Variants in PPP1CB observed in about 807,000 individuals in gnomAD.
PPP1CB encodes the protein serine/threonine-protein phosphatase PP1-beta catalytic subunit.
A neutral mutation model predicts 43.7 loss-of-function variants in PPP1CB; 2 were observed. The ratio of observed to expected loss-of-function variants is 0.05; its 90% confidence interval spans 0.02 to 0.14. The LOEUF is 0.14. Among genes scored for constraint, PPP1CB ranks in the 10% least tolerant of loss-of-function variants. The probability of loss-of-function intolerance (pLI) is 1.00; values close to 1 mark genes in which losing one functional copy is unlikely to be tolerated. For missense variants in PPP1CB, 84 were observed against 398.0 expected, an observed-to-expected ratio of 0.21 and a Z score of 6.71; for synonymous variants, 136 against 135.6, an observed-to-expected ratio of 1.00 and a Z score of -0.02.
intron 1 of PPP1CB, among the ~76,000 whole-genome samples, chr2:28,770,851 A>C (rs548987249): frequency 1.3e-5 from 2 of 152,340 alleles, no homozygotes; most frequent in African/African-American, 2.4e-5. Flanking sequence ...CCCTCAGTAC[A>C]TTTGAAAGAA....
chr2:28,759,281 C>T (rs1465607727), intron 1 of PPP1CB, among the ~76,000 whole-genome samples: 1 of 152,072 alleles, frequency 6.6e-6, no homozygotes, highest in Non-Finnish European at 1.5e-5. Flanking sequence ...TTTGGGAGGC[C>T]AAGGCAGGTG....
chr2:28,785,139 ACCT>A (rs1253524479), intron 5 of PPP1CB, among the ~76,000 whole-genome samples: 12 of 127,934 alleles, frequency 9.4e-5, no homozygotes, highest in African/African-American at 3.3e-4. Context: ...CAGTGGTGCA[ACCT>A]CGGCTCACTG....
intron 7 of PPP1CB, among the ~76,000 whole-genome samples, chr2:28,797,074 CATTT>C (rs1401550015): frequency 6.6e-6 from 1 of 152,098 alleles, no homozygotes; most frequent in African/African-American, 2.4e-5. Context: ...AGGTGAATCA[CATTT>C]ATTGATTTGC....
chr2:28,775,186 C>G (rs1187437980), intron 1 of PPP1CB, among the ~76,000 whole-genome samples: 2 of 152,150 alleles, frequency 1.3e-5, no homozygotes, highest in African/African-American at 2.4e-5. Flanking sequence ...TCACTGTAGC[C>G]TCTGCCTTCT....
At chr2:28,784,313 G>T (rs1667215212) in intron 5 of PPP1CB, among the ~76,000 whole-genome samples, 1 of 152,146 alleles carries the variant, frequency 6.6e-6, no homozygotes, top group Non-Finnish European at 1.5e-5. Context: ...TTAGACAAAA[G>T]TTTTTTAATT....
chr2:28,788,022 T>G (rs74622603), intron 5 of PPP1CB, among the ~76,000 whole-genome samples: 2 of 150,394 alleles, frequency 1.3e-5, no homozygotes, highest in African/African-American at 2.5e-5. Flanking sequence ...GTAGAAAATG[T>G]TTTTTTTTCG....
At chr2:28,764,745 CCCCGT>C (rs1666743867) in intron 1 of PPP1CB, among the ~76,000 whole-genome samples, 1 of 151,220 alleles carries the variant, frequency 6.6e-6, no homozygotes. Context: ...CATGGCGAAA[CCCCGT>C]CTCTACTAAA....
rs142530426 is a variant in PPP1CB at position 28,787,157 on chromosome 2, C to T, written c.593-1501C>T. 7.1e-3 allele frequency among the ~76,000 whole-genome samples: 1,078 copies of T among 152,200 alleles called. 10 individuals are homozygous for T. Among genetic ancestry groups the T allele is most frequent in the African/African-American group, 0.025 (1,022 of 41,532 alleles). On this transcript the variant is annotated intron_variant, in intron 5 of 7. Coordinates refer to ENST00000395366, the MANE Select transcript of PPP1CB (RefSeq NM_002709.3). ...TTTAAAATTCTTAAAACTGACTTAA[C>T]TCTTTAAAAATTATCTTCTTGGCTG...
rs562247697 is a variant in PPP1CB, at chr2:28,772,677, A to G, written c.53-4174A>G. Among the ~76,000 whole-genome samples, 239 of 152,312 alleles carry G rather than the reference A, an allele frequency of 1.6e-3. 3 individuals are homozygous for G. The highest frequency in any genetic ancestry group is 1.2e-3 in the East Asian group (6 of 5,186). On this transcript the variant is annotated intron_variant, in intron 1 of 7. Transcript: ENST00000395366. ...ATGGAATACAGGTTGAATATTTTTTATCCAAAATGCTTGGGACCCCAAGTG... is the reference window on the plus strand; with the variant it reads ...ATGGAATACAGGTTGAATATTTTTTGTCCAAAATGCTTGGGACCCCAAGTG...
At chr2:28,788,996 G>A (rs748567661) in intron 6 of PPP1CB, among the ~76,000 whole-genome samples, 187 bp downstream of exon 6, 3 of 151,952 alleles carry the variant, frequency 2.0e-5, no homozygotes, top group Non-Finnish European at 4.4e-5. Context: ...TAGCTGGGAC[G>A]ATAGCCGTGT....
chr2:28,769,738 A>AG (rs1410583192), intron 1 of PPP1CB, among the ~76,000 whole-genome samples: 2 of 152,318 alleles, frequency 1.3e-5, no homozygotes, highest in East Asian at 3.9e-4. Context: ...AAAAGGCTGG[A>AG]GGCGGGTGGT....
intron 1 of PPP1CB, among the ~76,000 whole-genome samples, chr2:28,763,687 T>C (rs1199188032): frequency 7.0e-6 from 1 of 142,442 alleles, no homozygotes; most frequent in African/African-American, 2.5e-5. Context: ...AAGGCCATTT[T>C]GGTCTCTGAA....
intron 1 of PPP1CB, among the ~76,000 whole-genome samples, chr2:28,760,635 C>A (rs1666620134): frequency 6.6e-6 from 1 of 152,190 alleles, no homozygotes; most frequent in Admixed American, 6.5e-5. Flanking sequence ...CCATTTTAAC[C>A]TTCCCCCTAG....
At position 28,793,768 on chromosome 2, in the gene PPP1CB, G is replaced by A. The variant is rs943165171; in HGVS notation, c.745-95G>A. On this transcript the variant is annotated intron_variant, in intron 6 of 7. Coordinates refer to ENST00000395366, the MANE Select transcript of PPP1CB (RefSeq NM_002709.3). ...AAACAGGGTGGTTTGGGGGTGAGGT[G>A]GGGCACAGTCTTTGCCACCTTAACC... The A allele has an allele frequency of 4.2e-5, 58 of 1,380,616 alleles. No individual in the cohort carries two copies. In the African/African-American group the frequency reaches 7.4e-4, roughly 18 times the overall value. The allele number at this position is 1,380,616 out of a possible 1,614,324, so 85.5% of individuals were successfully genotyped here.
intron 1 of PPP1CB, among the ~76,000 whole-genome samples, chr2:28,753,814 A>G (rs1572439953): frequency 6.6e-6 from 1 of 151,792 alleles, no homozygotes; most frequent in Admixed American, 6.6e-5. Context: ...GCTCACTGCA[A>G]CCTCCGCCTC....
Position 28,755,593 on chromosome 2 carries a change from T to C in PPP1CB, c.52+3417T>C, listed in dbSNP as rs554590340. The stretch of plus-strand genomic sequence containing the variant: ...TTGAAGCTAGTTTGTATGAGTATTC[T>C]GGAAAATCCGGTAAAAGCTTCTTAC... On this transcript the variant is annotated intron_variant, in intron 1 of 7. Coordinates refer to ENST00000395366, the MANE Select transcript of PPP1CB (RefSeq NM_002709.3). 9.8e-5 allele frequency among the ~76,000 whole-genome samples: 15 copies of C among 152,350 alleles called. 1 individual carries two copies. The highest frequency in any genetic ancestry group is 2.6e-4 in the Admixed American group (4 of 15,312).
At chr2:28,768,547 G>A (rs150076486) in intron 1 of PPP1CB, among the ~76,000 whole-genome samples, 1 of 152,298 alleles carries the variant, frequency 6.6e-6, no homozygotes, top group African/African-American at 2.4e-5. Flanking sequence ...ATCCTGCCAA[G>A]TTAGAGGGGC....
chr2:28,770,516 A>G (rs1666883138), intron 1 of PPP1CB, among the ~76,000 whole-genome samples: 1 of 152,146 alleles, frequency 6.6e-6, no homozygotes, highest in Non-Finnish European at 1.5e-5. Context: ...GGCATTATAT[A>G]ATGCTAAAAG....
intron 5 of PPP1CB, among the ~76,000 whole-genome samples, chr2:28,786,491 C>T (rs1425960383): frequency 6.6e-6 from 1 of 152,014 alleles, no homozygotes; most frequent in Admixed American, 6.6e-5. Flanking sequence ...TTTTTTAATG[C>T]ATCCAGAGTG....
Sources: allele counts gnomAD v4.1 joint callset (sites outside exome capture counted in the v4.1 genomes callset), GRCh38; gene constraint gnomAD v4.1.1; transcripts MANE v1.5; gene names NCBI Gene and HGNC (gene_info 2026-07-23, HGNC 2026-07-21).